ASCC3: variants seen among roughly 807,000 people sequenced by gnomAD.
ASCC3 encodes the protein activating signal cointegrator 1 complex subunit 3.
In ASCC3, 158 loss-of-function variants were observed where a neutral mutation model predicts 256.3. The ratio of observed to expected loss-of-function variants is 0.62; its 90% CI spans 0.54 to 0.70. The LOEUF is 0.70. ASCC3 is among the 30% of genes least tolerant of loss of function. ASCC3 has a pLI of 0.00. For missense variants in ASCC3, 2,259 were observed against 2,626.0 expected, an observed-to-expected ratio of 0.86 and a Z score of 3.05; for synonymous variants, 948 against 883.4, an observed-to-expected ratio of 1.07 and a Z score of -1.30.
intron 10 of ASCC3, among the ~76,000 whole-genome samples, chr6:100,756,446 C>T (rs546829706): frequency 3.3e-5 from 5 of 152,066 alleles, no homozygotes; most frequent in African/African-American, 1.2e-4. Context: ...CTTTGACATA[C>T]GTCTTAATCA....
chr6:100,667,235 G>A lies in ASCC3; in HGVS notation c.2287-4699C>T, dbSNP rs1055290953. ...GAAGTCTTTACAGAAAATGTGAAAC[G>A]TGAGTCTTGAAGGACAAGGGATAAA... On this transcript the variant is annotated intron_variant, in intron 14 of 41. Transcript: ENST00000369162. 3.3e-5 allele frequency among the ~76,000 whole-genome samples: 5 copies of A among 152,166 alleles called. No homozygotes were observed. In the East Asian group the frequency reaches 5.8e-4, roughly 18 times the overall value.
intron 4 of ASCC3, among the ~76,000 whole-genome samples, chr6:100,824,579 T>G (rs1157114086): frequency 6.6e-6 from 1 of 152,192 alleles, no homozygotes; most frequent in Admixed American, 6.5e-5. Flanking sequence ...ATGGAATTAA[T>G]GTCAATATTG....
intron 18 of ASCC3, among the ~76,000 whole-genome samples, chr6:100,651,936 T>G (rs540279393): frequency 3.9e-5 from 6 of 152,134 alleles, no homozygotes; most frequent in Non-Finnish European, 7.4e-5. Context: ...AAAAAGTTAA[T>G]AAAATTCTGG....
At chr6:100,692,197 A>G (rs1328237171) in intron 13 of ASCC3, among the ~76,000 whole-genome samples, 1 of 152,040 alleles carries the variant, frequency 6.6e-6, no homozygotes, top group Non-Finnish European at 1.5e-5. Flanking sequence ...CTGCTATCAT[A>G]TCTCTGGTAT....
chr6:100,829,775 T>C (rs1334434361), intron 4 of ASCC3, among the ~76,000 whole-genome samples: 1 of 152,168 alleles, frequency 6.6e-6, no homozygotes, highest in Non-Finnish European at 1.5e-5. Context: ...TATATATACA[T>C]GATAAAGTAT....
At chr6:100,694,132 GAAT>G (rs1416530426) in intron 13 of ASCC3, among the ~76,000 whole-genome samples, 13 of 151,734 alleles carry the variant, frequency 8.6e-5, no homozygotes, top group Non-Finnish European at 1.8e-4. Flanking sequence ...TCATTTTCCT[GAAT>G]AATATTTTTG....
chr6:100,561,059 A>G (rs570511796), intron 36 of ASCC3, among the ~76,000 whole-genome samples: 31 of 151,710 alleles, frequency 2.0e-4, no homozygotes, highest in African/African-American at 7.3e-4. Flanking sequence ...ATAAAATAAG[A>G]CTCAGTGGCT....
At chr6:100,651,418 G>T in intron 19 of ASCC3, 142 bp downstream of exon 19, 1 of 364,006 alleles carries the variant, frequency 2.7e-6, no homozygotes, top group Non-Finnish European at 5.1e-6. Context: ...AGGACAGTGG[G>T]TCTTATTGTT....
At chr6:100,815,023 T>C (rs540478643) in intron 4 of ASCC3, among the ~76,000 whole-genome samples, 1 of 152,254 alleles carries the variant, frequency 6.6e-6, no homozygotes, top group Non-Finnish European at 1.5e-5. Context: ...TTAGTTGTGA[T>C]GTTAGGTTGT....
rs540139940 is a variant in ASCC3, at chr6:100,566,553, A to C, written c.5550+23081T>G. On this transcript the variant is annotated intron_variant, in intron 36 of 41. Coordinates refer to ENST00000369162, the MANE Select transcript of ASCC3 (RefSeq NM_006828.4). ...AAGGGTATTACTTCAGTATCCCACTATCCAACAGCAACCTCCTTATATCTG... is the reference window on the plus strand; with the variant it reads ...AAGGGTATTACTTCAGTATCCCACTCTCCAACAGCAACCTCCTTATATCTG... 5.9e-5 allele frequency among the ~76,000 whole-genome samples: 9 copies of C among 152,312 alleles called. No individual in the cohort carries two copies. The South Asian group carries it at 1.9e-3, about 32-fold the overall frequency.
chr6:100,861,044 G>A (rs914796236), intron 3 of ASCC3, among the ~76,000 whole-genome samples: 5 of 152,102 alleles, frequency 3.3e-5, no homozygotes, highest in Non-Finnish European at 5.9e-5. Flanking sequence ...TACTGAAGTA[G>A]TTCAGACAGG....
Position 100,509,340 on chromosome 6 carries a change from G to C in ASCC3, c.*46C>G, listed in dbSNP as rs1773640640. On this transcript the variant is annotated 3_prime_UTR_variant, in exon 42 of 42. Coordinates refer to ENST00000369162, the MANE Select transcript of ASCC3 (RefSeq NM_006828.4). The stretch of plus-strand genomic sequence containing the variant: ...TTCGATTTGTCTAGATGACTGAACA[G>C]AGAGAATTCTTAGCCACTCCTTTCA... 1 of 1,610,080 alleles carries C rather than the reference G, an allele frequency of 6.2e-7. No individual in the cohort carries two copies. Among genetic ancestry groups the C allele is most frequent in the Non-Finnish European group, 8.5e-7 (1 of 1,176,554 alleles).
chr6:100,625,857 C>A (rs900935408), intron 29 of ASCC3, among the ~76,000 whole-genome samples: 2 of 151,790 alleles, frequency 1.3e-5, no homozygotes, highest in Non-Finnish European at 2.9e-5. Context: ...GAAGTTTGTA[C>A]CAGTAAACAG....
chr6:100,613,012 T>C (rs117374693), intron 30 of ASCC3, among the ~76,000 whole-genome samples: 2,341 of 152,092 alleles, frequency 0.015, 24 homozygotes, highest in East Asian at 0.044. Flanking sequence ...ATATACACAA[T>C]ACTATTTTCA....
intron 8 of ASCC3, among the ~76,000 whole-genome samples, chr6:100,790,009 T>C (rs1289107774): frequency 6.6e-6 from 1 of 151,964 alleles, no homozygotes; most frequent in Non-Finnish European, 1.5e-5. Context: ...TCTAAACCTC[T>C]TGCTGTCAGG....
Position 100,650,539 on chromosome 6 carries a change from T to C in ASCC3, c.3251A>G (p.Gln1084Arg), listed in dbSNP as rs771938917. Reference protein sequence around the residue: ...SLISDSAYVAQNAARIVRALF... With the variant: ...SLISDSAYVARNAARIVRALF... Reference sequence around the variant, plus strand: ...ACTGGAAGGGAATAAGATACTTACCTGTGCAACATATGCAGAATCTGATAT... The same window carrying C: ...ACTGGAAGGGAATAAGATACTTACCCGTGCAACATATGCAGAATCTGATAT... Residue 1084 changes from glutamine to arginine, a missense_variant and splice_region_variant, in exon 20 of 42, where the codon CAG (glutamine) becomes CGG (arginine). Physicochemically the swap from Gln to Arg is conservative, Grantham distance 43 (BLOSUM62 1). Around this residue, in one of 2 missense-constraint regions of ASCC3, gnomAD observed 1,839 missense variants for 2,206.7 expected, o/e 0.83. Transcript: ENST00000369162. 2.3e-5 allele frequency: 37 copies of C among 1,612,418 alleles called. No homozygotes were observed. The highest frequency in any genetic ancestry group is 3.1e-5 in the Non-Finnish European group (36 of 1,178,822).
chr6:100,818,748 C>CAAAAAAAAAAAAAAA (rs56668191), intron 4 of ASCC3, among the ~76,000 whole-genome samples: 3 of 58,122 alleles, frequency 5.2e-5, no homozygotes, highest in Non-Finnish European at 8.5e-5. Context: ...AGGCAAAAGC[C>CAAAAAAAAAAAAAAA]AAAAAAAAAA....
At chr6:100,633,613 C>A (rs1408733870) in intron 25 of ASCC3, among the ~76,000 whole-genome samples, 1 of 151,790 alleles carries the variant, frequency 6.6e-6, no homozygotes, top group Non-Finnish European at 1.5e-5. Flanking sequence ...GGCCTGTAAT[C>A]CCAGCACTTT....
At position 100,720,319 on chromosome 6, in the gene ASCC3, G is replaced by A. The variant is rs923456709; in HGVS notation, c.1903-2068C>T. Reference sequence around the variant, plus strand: ...TTAAAACTATGTAAAAAAAGGGAGTGCAAAGAAAACACAGAAAAGGTGTAA... The same window carrying A: ...TTAAAACTATGTAAAAAAAGGGAGTACAAAGAAAACACAGAAAAGGTGTAA... On this transcript the variant is annotated intron_variant, in intron 11 of 41. Coordinates refer to ENST00000369162, the MANE Select transcript of ASCC3 (RefSeq NM_006828.4). 5.3e-5 allele frequency among the ~76,000 whole-genome samples: 8 copies of A among 151,748 alleles called. 1 individual carries two copies. Among genetic ancestry groups the A allele is most frequent in the Non-Finnish European group, 1.2e-4 (8 of 67,822 alleles).
Sources: gnomAD v4.1 joint callset for allele counts (sites outside exome capture counted in the v4.1 genomes callset) on GRCh38, gnomAD v4.1.1 for gene constraint, gnomAD v4.1.1 regional missense constraint, MANE v1.5 for transcripts, NCBI Gene and HGNC (gene_info 2026-07-23, HGNC 2026-07-21) for gene names.